Variants in BMAL1 observed in about 807,000 individuals in gnomAD.
The protein encoded by BMAL1 is basic helix-loop-helix ARNT-like protein 1.
At chr11:13,298,736 T>G in the BMAL1 span, among the ~76,000 whole-genome samples, 2 of 152,150 alleles carry the variant, frequency 1.3e-5, no homozygotes, top group Non-Finnish European at 2.9e-5. Flanking sequence ...TGCCAGTATT[T>G]TCATTGTCTC....
At chr11:13,347,688 A>C in the BMAL1 span, among the ~76,000 whole-genome samples, 1 of 151,132 alleles carries the variant, frequency 6.6e-6, no homozygotes, top group Non-Finnish European at 1.5e-5. Context: ...CTCTACAAAA[A>C]ATATAAAAAC....
chr11:13,386,797 G>A, the BMAL1 span: 1 of 1,596,840 alleles, frequency 6.3e-7, no homozygotes, highest in Non-Finnish European at 8.6e-7. Context: ...GTATCAAAGT[G>A]CATTACTGGT....
the BMAL1 span, among the ~76,000 whole-genome samples, chr11:13,343,815 C>T: frequency 1.1e-3 from 167 of 152,240 alleles, 1 homozygote; most frequent in African/African-American, 2.4e-3. Flanking sequence ...CCTCTATCAA[C>T]GATATTGGGG....
the BMAL1 span, among the ~76,000 whole-genome samples, chr11:13,345,136 TCAC>T: frequency 6.6e-6 from 1 of 152,228 alleles, no homozygotes; most frequent in Non-Finnish European, 1.5e-5. Context: ...TTCTTGGGCT[TCAC>T]CAAGTGTTTT....
chr11:13,324,195 A>T, the BMAL1 span, among the ~76,000 whole-genome samples: 1 of 152,228 alleles, frequency 6.6e-6, no homozygotes, highest in Non-Finnish European at 1.5e-5. Flanking sequence ...AGTTTGCTAC[A>T]TAGGCAAAGA....
chr11:13,385,854 A>G, the BMAL1 span: 5 of 1,273,912 alleles, frequency 3.9e-6, no homozygotes, highest in Admixed American at 3.4e-5. Flanking sequence ...CATAAAGTCA[A>G]TTTTAAGAAC....
At chr11:13,289,556 C>T in the BMAL1 span, among the ~76,000 whole-genome samples, 5 of 152,152 alleles carry the variant, frequency 3.3e-5, no homozygotes, top group African/African-American at 9.7e-5. Context: ...TGACAGGCCC[C>T]GGAGTGTGAT....
the BMAL1 span, among the ~76,000 whole-genome samples, chr11:13,325,657 T>TTGTGTTTGTGTGTGTGTGTG: frequency 3.3e-3 from 449 of 134,412 alleles, 1 homozygote; most frequent in African/African-American, 0.012. Context: ...TTGAGACCTT[T>TTGTGTTTGTGTGTGTGTGTG]TGTGTGTGTG....
the BMAL1 span, among the ~76,000 whole-genome samples, chr11:13,348,579 TG>T: frequency 6.6e-6 from 1 of 152,078 alleles, no homozygotes; most frequent in Middle Eastern, 3.4e-3. Context: ...GTTGCTAATT[TG>T]GGGGCTGGGA....
the BMAL1 span, among the ~76,000 whole-genome samples, chr11:13,279,418 A>G: frequency 2.0e-5 from 3 of 152,368 alleles, no homozygotes; most frequent in African/African-American, 7.2e-5. Flanking sequence ...TTATTAAATG[A>G]CAACTATTAT....
the BMAL1 span, among the ~76,000 whole-genome samples, chr11:13,292,605 T>G: frequency 6.6e-6 from 1 of 152,140 alleles, no homozygotes; most frequent in Admixed American, 6.5e-5. Context: ...GCAAGGGGCT[T>G]TGCTAGAAGA....
the BMAL1 span, among the ~76,000 whole-genome samples, chr11:13,311,733 T>C: frequency 6.6e-6 from 1 of 152,198 alleles, no homozygotes; most frequent in Non-Finnish European, 1.5e-5. Context: ...TGTGTGTACC[T>C]TGGGCTTGTG....
chr11:13,384,868 T>C, the BMAL1 span, among the ~76,000 whole-genome samples: 1 of 152,212 alleles, frequency 6.6e-6, no homozygotes, highest in African/African-American at 2.4e-5. Flanking sequence ...TCAAATACAG[T>C]AAATATTGAT....
chr11:13,279,090 C>T, the BMAL1 span, among the ~76,000 whole-genome samples: 2 of 152,228 alleles, frequency 1.3e-5, no homozygotes, highest in Non-Finnish European at 2.9e-5. Context: ...CTCCTGACCC[C>T]TCTCCCCTCT....
chr11:13,284,357 G>C, the BMAL1 span, among the ~76,000 whole-genome samples: 1 of 147,366 alleles, frequency 6.8e-6, no homozygotes, highest in Non-Finnish European at 1.5e-5. Flanking sequence ...ATAAAAATGT[G>C]TTATATAATG....
chr11:13,344,841 T>C, the BMAL1 span, among the ~76,000 whole-genome samples: 3 of 152,070 alleles, frequency 2.0e-5, no homozygotes, highest in African/African-American at 7.2e-5. Context: ...GCAGGCACCA[T>C]GTAGTGGAGA....
At chr11:13,375,753 C>A in the BMAL1 span, 1 of 1,565,894 alleles carries the variant, frequency 6.4e-7, no homozygotes, top group Admixed American at 2.1e-5. Flanking sequence ...TCAACTAACA[C>A]TGTTGTTTTG....
At chr11:13,350,792 G>A in the BMAL1 span, among the ~76,000 whole-genome samples, 1 of 152,030 alleles carries the variant, frequency 6.6e-6, no homozygotes, top group South Asian at 2.1e-4. Context: ...TATTATTTTG[G>A]GTAAGAAAAG....
chr11:13,289,390 GT>G, the BMAL1 span, among the ~76,000 whole-genome samples: 3 of 152,010 alleles, frequency 2.0e-5, no homozygotes, highest in Non-Finnish European at 4.4e-5. Flanking sequence ...TTATTTGTTT[GT>G]TTTTATTATA....
Sources: allele counts gnomAD v4.1 joint callset (sites outside exome capture counted in the v4.1 genomes callset), GRCh38; gene constraint gnomAD v4.1.1; transcripts MANE v1.5; gene names NCBI Gene and HGNC (gene_info 2026-07-23, HGNC 2026-07-21).